The following NXN variants were observed in gnomAD, a reference collection of about 807,000 sequenced individuals.
The protein encoded by NXN is nucleoredoxin 1.
In NXN, 16 loss-of-function variants were observed where a neutral mutation model predicts 48.6. The observed-to-expected ratio is 0.33, with a 90% CI of 0.22 to 0.50. The LOEUF is 0.50. Among genes scored for constraint, NXN ranks in the 20% least tolerant of loss-of-function variants. The pLI is 0.98. For missense variants in NXN, 492 were observed against 605.5 expected (o/e 0.81, Z 1.97); for synonymous variants, 281 against 269.6 (o/e 1.04, Z -0.41).
intron 1 of NXN, among the ~76,000 whole-genome samples, chr17:872,423 C>A (rs1410641999): frequency 6.6e-6 from 1 of 151,566 alleles, no homozygotes; most frequent in Non-Finnish European, 1.5e-5. Context: ...GACAGAGGAA[C>A]ACGTCAATCA....
chr17:945,884 G>A (rs2069037917), intron 1 of NXN, among the ~76,000 whole-genome samples: 2 of 151,938 alleles, frequency 1.3e-5, no homozygotes, highest in Non-Finnish European at 2.9e-5. Flanking sequence ...TGTGCCTTTA[G>A]GGTTAGGCCA....
intron 1 of NXN, among the ~76,000 whole-genome samples, chr17:832,837 A>G (rs1304040562): frequency 6.6e-6 from 1 of 152,062 alleles, no homozygotes; most frequent in Non-Finnish European, 1.5e-5. Context: ...GTTTCCACGT[A>G]AAGGCCCACG....
rs2068866173 is a variant in NXN, at chr17:932,619, T to C, written c.360+46700A>G. Reference sequence around the variant, plus strand: ...CTAGTTTCCCCAGGTTCTGGGCCCCTGCCCTGTGTGAGCTCTAGTGGGGTC... The same window carrying C: ...CTAGTTTCCCCAGGTTCTGGGCCCCCGCCCTGTGTGAGCTCTAGTGGGGTC... On this transcript the variant is annotated intron_variant, in intron 1 of 7. Coordinates refer to ENST00000336868, the MANE Select transcript of NXN (RefSeq NM_022463.5). The surrounding 1 kb of genome is among the most constrained non-coding windows in gnomAD (Gnocchi z 4.1). Among the ~76,000 whole-genome samples, 1 of 152,168 alleles carries C rather than the reference T, an allele frequency of 6.6e-6. No individual in the cohort carries two copies. Among genetic ancestry groups the C allele is most frequent in the Admixed American group, 6.5e-5 (1 of 15,276 alleles).
intron 1 of NXN, among the ~76,000 whole-genome samples, chr17:923,799 A>G (rs953606943): frequency 2.0e-5 from 3 of 152,232 alleles, no homozygotes; most frequent in African/African-American, 7.2e-5. Flanking sequence ...CAGAAGGACA[A>G]CCTCATCGGG....
At chr17:893,545 C>A (rs1400468688) in intron 1 of NXN, among the ~76,000 whole-genome samples, 2 of 151,936 alleles carry the variant, frequency 1.3e-5, no homozygotes, top group Non-Finnish European at 2.9e-5. Context: ...CGCCTGGAAG[C>A]CAGAGGAAGC....
chr17:826,108 T>G, intron 1 of NXN, 30 bp from the exon 2 acceptor site: 1 of 1,455,964 alleles, frequency 6.9e-7, no homozygotes, highest in Non-Finnish European at 9.7e-7. Flanking sequence ...AGAAGGTGGT[T>G]AAGTCCAAAC....
chr17:808,305 A>T (rs1310822725), intron 5 of NXN, among the ~76,000 whole-genome samples: 5 of 140,444 alleles, frequency 3.6e-5, no homozygotes, highest in East Asian at 2.1e-4. Context: ...TGAAATACAC[A>T]TTTTTTTTTT....
intron 1 of NXN, among the ~76,000 whole-genome samples, chr17:862,745 C>T (rs1321686889): frequency 3.9e-5 from 6 of 152,128 alleles, no homozygotes; most frequent in African/African-American, 7.2e-5. Flanking sequence ...AATAACAGGA[C>T]GGAACTATGA....
chr17:813,558 A>G (rs1912290677), intron 5 of NXN, among the ~76,000 whole-genome samples: 1 of 152,262 alleles, frequency 6.6e-6, no homozygotes, highest in African/African-American at 2.4e-5. Flanking sequence ...TTTCAAAACT[A>G]GGAGGATCTG....
At chr17:823,422 C>T (rs890528899) in intron 3 of NXN, among the ~76,000 whole-genome samples, 2 of 151,556 alleles carry the variant, frequency 1.3e-5, no homozygotes, top group African/African-American at 2.4e-5. Context: ...AGAGGGCTAT[C>T]GTTATAGATC....
chr17:941,111 T>A (rs1171083637), intron 1 of NXN, among the ~76,000 whole-genome samples: 1 of 104,356 alleles, frequency 9.6e-6, no homozygotes, highest in African/African-American at 4.3e-5. Flanking sequence ...TGAACTCACA[T>A]CACACCTTCC....
At chr17:821,930 AT>A (rs1231763208) in intron 4 of NXN, among the ~76,000 whole-genome samples, 9 of 152,008 alleles carry the variant, frequency 5.9e-5, no homozygotes, top group Non-Finnish European at 1.3e-4. Context: ...GAATTGGGAC[AT>A]CCCCCAGTAT....
chr17:903,412 C>T (rs1158893206), intron 1 of NXN, among the ~76,000 whole-genome samples: 1 of 151,434 alleles, frequency 6.6e-6, no homozygotes. Flanking sequence ...GACAGGGTCT[C>T]GCTCTGTCAC....
At chr17:856,231 CAA>C (rs1394756076) in intron 1 of NXN, among the ~76,000 whole-genome samples, 2 of 151,948 alleles carry the variant, frequency 1.3e-5, no homozygotes, top group Non-Finnish European at 2.9e-5. Flanking sequence ...TTGCATTTGC[CAA>C]AAATATTTTG....
At chr17:885,303 C>T (rs781772308) in intron 1 of NXN, among the ~76,000 whole-genome samples, 40 of 152,046 alleles carry the variant, frequency 2.6e-4, no homozygotes, top group Non-Finnish European at 4.6e-4. Flanking sequence ...CATGGTGACA[C>T]CTCGTCTCTA....
At chr17:934,048 T>C (rs1337784806) in intron 1 of NXN, among the ~76,000 whole-genome samples, 52 of 152,250 alleles carry the variant, frequency 3.4e-4, no homozygotes, top group Admixed American at 3.4e-3. Flanking sequence ...AAAAAGGCAT[T>C]TTATTTTTCA....
At chr17:966,487 G>A (rs1179488482) in intron 1 of NXN, among the ~76,000 whole-genome samples, 16 of 152,066 alleles carry the variant, frequency 1.1e-4, no homozygotes, top group African/African-American at 3.9e-4. Context: ...AGTTGGGATT[G>A]CAGGCATGCG....
intron 1 of NXN, among the ~76,000 whole-genome samples, chr17:866,720 A>G (rs1365653512): frequency 6.6e-6 from 1 of 152,204 alleles, no homozygotes; most frequent in Non-Finnish European, 1.5e-5. Flanking sequence ...ACGTTGTTCA[A>G]TTTCAGCCCA....
At position 819,539 on chromosome 17, in the gene NXN, C is replaced by A. The variant is rs1215820800; in HGVS notation, c.720G>T (p.Glu240Asp). 1.9e-6 allele frequency: 3 copies of A among 1,597,996 alleles called. No individual in the cohort carries two copies. Among genetic ancestry groups the A allele is most frequent in the South Asian group, 2.2e-5 (2 of 89,610 alleles). ...EIIFVSADRS[E>D]ESFKQYFSEM... ...CACTGAAGTACTGTTTGAAGGACTC[C>A]TCCGACCTACAGAGAGACACACGTG... The change falls in exon 5 of 8, where the codon GAG (glutamate) becomes GAT (aspartate). Residue 240 changes from glutamate (E) to aspartate (D), a missense_variant. Glu to Asp is a conservative substitution (Grantham distance 45). Transcript: ENST00000336868.
Sources: gnomAD v4.1 joint callset for allele counts (sites outside exome capture counted in the v4.1 genomes callset) on GRCh38, gnomAD v4.1.1 for gene constraint, Gnocchi (gnomAD v3.1) non-coding constraint, MANE v1.5 for transcripts, NCBI Gene and HGNC (gene_info 2026-07-23, HGNC 2026-07-21) for gene names.